VWCE: variants seen among roughly 807,000 people sequenced by gnomAD.
VWCE encodes the protein von Willebrand factor C and EGF domains.
Under a neutral mutation model 102.9 loss-of-function variants are expected in VWCE, and 68 were observed. The ratio of observed to expected loss-of-function variants is 0.66; its 90% confidence interval spans 0.54 to 0.81. VWCE has a LOEUF of 0.81. VWCE is among the 30% of genes least tolerant of loss of function. The pLI, the probability that VWCE is intolerant of heterozygous loss-of-function variation, is 0.00. For missense variants in VWCE, 1,137 were observed against 1,263.6 expected, an observed-to-expected ratio of 0.90 and a Z score of 1.52; for synonymous variants, 497 against 515.4, an observed-to-expected ratio of 0.96 and a Z score of 0.48.
chr11:61,275,433 C>A (rs1330807939), intron 11 of VWCE, among the ~76,000 whole-genome samples: 1 of 151,268 alleles, frequency 6.6e-6, no homozygotes, highest in Non-Finnish European at 1.5e-5. Flanking sequence ...ACAATGGGAC[C>A]GATAAGGGTT....
intron 8 of VWCE, 28 bp from the exon 9 acceptor site, chr11:61,280,745 A>G (rs1242837733): frequency 3.1e-6 from 5 of 1,613,484 alleles, no homozygotes; most frequent in East Asian, 2.2e-5. Context: ...AGTTAGAGCC[A>G]CCACAAGGCC....
At chr11:61,274,714 G>T in intron 11 of VWCE, 130 bp from the exon 12 acceptor site, 1 of 663,528 alleles carries the variant, frequency 1.5e-6, no homozygotes, top group Non-Finnish European at 2.5e-6. Context: ...CATGCTCCGT[G>T]CCCAGGAACC....
intron 10 of VWCE, 112 bp downstream of exon 10, chr11:61,278,282 T>C: frequency 8.6e-7 from 1 of 1,162,724 alleles, no homozygotes; most frequent in Non-Finnish European, 1.3e-6. Flanking sequence ...CCTGAGAATG[T>C]TCCCTTCCAC....
chr11:61,260,489 G>A (rs1854321334), intron 19 of VWCE, among the ~76,000 whole-genome samples: 2 of 152,056 alleles, frequency 1.3e-5, no homozygotes, highest in South Asian at 2.1e-4. Context: ...GTAGAGACAG[G>A]ATCCTACTTT....
Position 61,293,241 on chromosome 11 carries a change from C to CAAAAAAAAAA in VWCE, c.111-1675_111-1666dup, listed in dbSNP as rs764741197. 2.1e-3 allele frequency among the ~76,000 whole-genome samples: 38 copies of CAAAAAAAAAA among 18,026 alleles called. 4 individuals are homozygous for CAAAAAAAAAA. The highest frequency in any genetic ancestry group is 7.2e-3 in the African/African-American group (37 of 5,126). 11.8% of individuals were successfully genotyped at this position (18,026 alleles called of 152,430 possible). A position where few individuals can be genotyped will look rare whatever the true frequency, so the allele number is the denominator to read the frequency against. ...GGGCAACAAGAGCAAAACTCCATCT[C>CAAAAAAAAAA]AAAAAAAAAAAAAAAAAAAAAAAAA... On this transcript the variant is annotated intron_variant, in intron 1 of 19. Coordinates refer to ENST00000335613, the MANE Select transcript of VWCE (RefSeq NM_152718.2).
intron 4 of VWCE, among the ~76,000 whole-genome samples, chr11:61,286,868 C>T (rs1402347417): frequency 1.3e-5 from 2 of 151,914 alleles, no homozygotes; most frequent in African/African-American, 2.4e-5. Context: ...GAGGCTGAGG[C>T]GGGCAGATCA....
Position 61,268,231 on chromosome 11 carries a change from T to G in VWCE, c.1883-687A>C, listed in dbSNP as rs578081492. Reference sequence around the variant, plus strand: ...AATAGGTCCTTGCTAATATTCTTTATTTTTGCTTTCTGTACTTTTTTTCTA... The same window carrying G: ...AATAGGTCCTTGCTAATATTCTTTAGTTTTGCTTTCTGTACTTTTTTTCTA... On this transcript the variant is annotated intron_variant, in intron 15 of 19. Transcript: ENST00000335613. Among the ~76,000 whole-genome samples, 21 of 152,256 alleles carry G rather than the reference T, an allele frequency of 1.4e-4. No individual in the cohort carries two copies. In the East Asian group the frequency reaches 4.0e-3, roughly 29 times the overall value.
In VWCE at chr11:61,259,029, A is replaced by G; in HGVS notation, c.2514T>C (p.Pro838=). ...LGLTATFPGE[P]GASPRLSPGP... ...CTGGTGAGAGTCGAGGGGAGGCCCC[A>G]GGCTCCCCTGGGAAAGTGGCTGTCA... The change falls in exon 20 of 20, where the codon CCT becomes CCC. Residue 838 remains proline (P), a synonymous_variant. Transcript: ENST00000335613. The G allele has an allele frequency of 1.9e-6, 3 of 1,613,876 alleles. No homozygotes were observed. The highest frequency in any genetic ancestry group is 2.5e-6 in the Non-Finnish European group (3 of 1,179,858).
At position 61,295,290 on chromosome 11, in the gene VWCE, G is replaced by A. The variant is rs997615036; in HGVS notation, c.-253C>T. On this transcript the variant is annotated 5_prime_UTR_variant, in exon 1 of 20. Coordinates refer to ENST00000335613, the MANE Select transcript of VWCE (RefSeq NM_152718.2). This position sits in a 1 kb window ranked among gnomAD's most constrained non-coding sequence, Gnocchi z 4.6. ...GAAACACACAAAGGCAACGCCGCCC[G>A]CCTGCTGATGCCTCTCCGAGAGGCG... is the stretch of plus-strand genomic sequence containing the variant. 8.9e-6 allele frequency: 3 copies of A among 335,852 alleles called. No homozygotes were observed. The highest frequency in any genetic ancestry group is 1.1e-5 in the Non-Finnish European group (2 of 185,948). 20.8% of individuals were successfully genotyped at this position (335,852 alleles called of 1,614,324 possible).
At position 61,281,133 on chromosome 11, in the gene VWCE, G is replaced by A. The variant is rs751600205; in HGVS notation, c.890C>T (p.Ser297Phe). Residue 297 changes from serine to phenylalanine, a missense_variant, in exon 8 of 20, where the codon TCC becomes TTC. Transcript: ENST00000335613. ...CCCAGAAGGAGGGCTATGTCCTGGGGACAGGGCAGGCCGGCCGGCCTCAGG... is the reference window on the plus strand; with the variant it reads ...CCCAGAAGGAGGGCTATGTCCTGGGAACAGGGCAGGCCGGCCGGCCTCAGG... ...LLPEAGRPAL[S>F]PGHSPPSGAP... is the part of the protein sequence containing the mutation. 21 of 1,613,596 alleles carry A rather than the reference G, an allele frequency of 1.3e-5. 1 individual carries two copies. The highest frequency in any genetic ancestry group is 2.7e-5 in the African/African-American group (2 of 74,896).
chr11:61,265,070 G>C, intron 17 of VWCE, 32 bp from the exon 18 acceptor site: 2 of 1,614,044 alleles, frequency 1.2e-6, no homozygotes, highest in Non-Finnish European at 1.7e-6. Flanking sequence ...GAGCCCATGA[G>C]AGCCGAGGCC....
intron 16 of VWCE, 24 bp from the exon 17 acceptor site, chr11:61,265,236 A>AGGCCC: frequency 6.8e-7 from 1 of 1,462,606 alleles, no homozygotes. Context: ...AAAACACACA[A>AGGCCC]GGCCCTCGGT....
rs146824227 is a variant in VWCE, at chr11:61,290,844, C to T, written c.379G>A (p.Val127Met). Residue 127 changes from valine to methionine, a missense_variant, in exon 4 of 20, where the codon GTG becomes ATG. Transcript: ENST00000335613. Reference sequence around the variant, plus strand: ...GCTGTCTCCGTCATCGAGAAGCCCACGGGGCACACTCGGGCCACCTCCTGA... The same window carrying T: ...GCTGTCTCCGTCATCGAGAAGCCCATGGGGCACACTCGGGCCACCTCCTGA... ...GCQEVARVCP[V>M]GFSMTETAVG... 1.0e-4 allele frequency: 168 copies of T among 1,613,532 alleles called. No homozygotes were observed. The highest frequency in any genetic ancestry group is 1.6e-4 in the African/African-American group (12 of 74,760).
chr11:61,269,344 A>G, intron 14 of VWCE: 2 of 353,934 alleles, frequency 5.7e-6, no homozygotes, highest in Non-Finnish European at 1.1e-5. Context: ...ACCCTGGCTC[A>G]CCAGGAACCT....
At chr11:61,275,527 C>T (rs924907217) in intron 11 of VWCE, among the ~76,000 whole-genome samples, 3 of 152,128 alleles carry the variant, frequency 2.0e-5, no homozygotes, top group Non-Finnish European at 4.4e-5. Flanking sequence ...AAAAAAAACA[C>T]TTAAAAAGAA....
intron 4 of VWCE, among the ~76,000 whole-genome samples, chr11:61,288,146 ACT>A (rs1402808757): frequency 1.6e-5 from 2 of 123,584 alleles, no homozygotes; most frequent in African/African-American, 7.6e-5. Context: ...ACAGAGTGAG[ACT>A]CTGTCTCAAA....
rs932419937 is a variant in VWCE, at chr11:61,295,052, G to A, written c.-15C>T. ...CCGGCCCACATGACCGGCGGCGGCG[G>A]GTCCCCCGGGCTGGGCTCGGCTCCT... On this transcript the variant is annotated 5_prime_UTR_variant, in exon 1 of 20. Transcript: ENST00000335613. The surrounding 1 kb of genome is among the most constrained non-coding windows in gnomAD (Gnocchi z 4.6). 2.9e-6 allele frequency: 4 copies of A among 1,356,538 alleles called. No homozygotes were observed. The highest frequency in any genetic ancestry group is 2.9e-6 in the Non-Finnish European group (3 of 1,051,454). The allele number at this position is 1,356,538 out of a possible 1,614,324, so 84.0% of individuals were successfully genotyped here. A position where few individuals can be genotyped will look rare whatever the true frequency, so the allele number is the denominator to read the frequency against.
In VWCE at chr11:61,258,850, G is replaced by A; in HGVS notation, c.2693C>T (p.Ala898Val). 1.3e-6 allele frequency: 2 copies of A among 1,518,964 alleles called. No homozygotes were observed. Among genetic ancestry groups the A allele is most frequent in the South Asian group, 2.7e-5 (2 of 74,308 alleles). 94.1% of individuals were successfully genotyped at this position (1,518,964 alleles called of 1,614,324 possible). ...PPLPGTLLTE[A>V]SALSMMDPSP... ...GGGGTCCATCATGGAAAGTGCTGAA[G>A]CTTCCGTCAGGAGGGTGCCAGGCAG... The change falls in exon 20 of 20, where the codon GCT (alanine) becomes GTT (valine). Residue 898 changes from alanine to valine, a missense_variant. Transcript: ENST00000335613.
intron 16 of VWCE, among the ~76,000 whole-genome samples, chr11:61,267,062 G>A (rs968047497): frequency 6.6e-5 from 10 of 152,222 alleles, no homozygotes; most frequent in Admixed American, 3.9e-4. Flanking sequence ...GTTCAGGAAC[G>A]GCCTGGCCAA....
Sources: allele counts gnomAD v4.1 joint callset (sites outside exome capture counted in the v4.1 genomes callset), GRCh38; gene constraint gnomAD v4.1.1; non-coding constraint Gnocchi (gnomAD v3.1); transcripts MANE v1.5; gene names NCBI Gene and HGNC (gene_info 2026-07-23, HGNC 2026-07-21).